TTC28: variants seen among roughly 807,000 people sequenced by gnomAD.
TTC28 encodes tetratricopeptide repeat domain 28, also known as tetratricopeptide repeat protein 28.
In TTC28, 61 loss-of-function variants were observed where a neutral mutation model predicts 198.0. The observed-to-expected ratio is 0.31, with a 90% confidence interval of 0.25 to 0.38. TTC28 has a LOEUF of 0.38. TTC28 is among the 10% of genes least tolerant of loss of function. TTC28 has a pLI of 1.00. For missense variants in TTC28, 2,678 were observed against 3,164.0 expected (o/e 0.85, Z 3.69); for synonymous variants, 1,171 against 1,297.8 (o/e 0.90, Z 2.10).
chr22:28,128,123 C>T (rs536219889), intron 6 of TTC28, among the ~76,000 whole-genome samples: 1 of 152,202 alleles, frequency 6.6e-6, no homozygotes, highest in Non-Finnish European at 1.5e-5. Context: ...AAATTTCAAG[C>T]GTTGGCTGTT....
At chr22:28,197,451 TA>T (rs2147143957) in intron 5 of TTC28, among the ~76,000 whole-genome samples, 1 of 151,738 alleles carries the variant, frequency 6.6e-6, no homozygotes, top group African/African-American at 2.4e-5. Context: ...GAATAGAAAT[TA>T]CACAGTTCTT....
intron 2 of TTC28, among the ~76,000 whole-genome samples, chr22:28,398,995 T>G (rs2046858700): frequency 6.6e-6 from 1 of 151,956 alleles, no homozygotes; most frequent in African/African-American, 2.4e-5. Flanking sequence ...TCAAAACAGT[T>G]GTTTGGGGAG....
chr22:28,214,899 T>C (rs181162574), intron 5 of TTC28, among the ~76,000 whole-genome samples: 1 of 152,164 alleles, frequency 6.6e-6, no homozygotes, highest in Non-Finnish European at 1.5e-5. Context: ...CCATCAAGGA[T>C]AGAATGGATT....
intron 6 of TTC28, among the ~76,000 whole-genome samples, chr22:28,152,421 G>T (rs1005905311): frequency 1.3e-5 from 2 of 152,034 alleles, no homozygotes; most frequent in Non-Finnish European, 2.9e-5. Context: ...CTCCCACTCA[G>T]ATCCACAATG....
In TTC28 at chr22:27,985,298, A is replaced by G. The variant is rs1253470630; in HGVS notation, c.5766T>C (p.Ala1922=). 1 of 1,551,638 alleles carries G rather than the reference A, an allele frequency of 6.4e-7. No homozygotes were observed. The highest frequency in any genetic ancestry group is 2.0e-5 in the Admixed American group (1 of 51,012). The change falls in exon 22 of 23, where the codon GCT becomes GCC. Residue 1922 remains alanine (A), a synonymous_variant. Transcript: ENST00000397906. ...EEVILKTGKQ[A]NRRTVHFALQ... Reference sequence around the variant, plus strand: ...GCGCGAAGTGCACAGTCCGTCGATTAGCTTGCTTCCCGGTTTTCAGGATTA... The same window carrying G: ...GCGCGAAGTGCACAGTCCGTCGATTGGCTTGCTTCCCGGTTTTCAGGATTA...
chr22:28,500,661 A>G (rs186742869), intron 2 of TTC28, among the ~76,000 whole-genome samples: 1 of 152,298 alleles, frequency 6.6e-6, no homozygotes, highest in African/African-American at 2.4e-5. Flanking sequence ...AGACTACGAT[A>G]TGCAGAAAGC....
At chr22:28,066,542 A>T (rs544875405) in intron 12 of TTC28, among the ~76,000 whole-genome samples, 1 of 152,220 alleles carries the variant, frequency 6.6e-6, no homozygotes, top group East Asian at 1.9e-4. Flanking sequence ...TCTATGACTT[A>T]GATTTTTATA....
At chr22:28,439,227 T>C (rs1011631508) in intron 2 of TTC28, among the ~76,000 whole-genome samples, 4 of 152,178 alleles carry the variant, frequency 2.6e-5, no homozygotes, top group Non-Finnish European at 4.4e-5. Context: ...AATAGAGATA[T>C]ATGCACAAGG....
chr22:28,485,228 C>T (rs989762033), intron 2 of TTC28, among the ~76,000 whole-genome samples: 2 of 152,144 alleles, frequency 1.3e-5, no homozygotes, highest in African/African-American at 4.8e-5. Context: ...TAAAATCCTT[C>T]CACTGTTAAA....
chr22:28,486,246 G>T (rs571415181), intron 2 of TTC28, among the ~76,000 whole-genome samples: 1 of 152,194 alleles, frequency 6.6e-6, no homozygotes, highest in South Asian at 2.1e-4. Context: ...AACAAGGAAG[G>T]CTTGAAAAAC....
chr22:28,311,784 C>T (rs1367440316), intron 2 of TTC28, among the ~76,000 whole-genome samples: 1 of 151,916 alleles, frequency 6.6e-6, no homozygotes, highest in Non-Finnish European at 1.5e-5. Flanking sequence ...TTTTTTTACT[C>T]ATTAACTATC....
At chr22:28,219,988 A>T (rs896078445) in intron 5 of TTC28, among the ~76,000 whole-genome samples, 1 of 152,134 alleles carries the variant, frequency 6.6e-6, no homozygotes, top group African/African-American at 2.4e-5. Flanking sequence ...GGTTACACTC[A>T]ACAGAGTCTC....
intron 5 of TTC28, among the ~76,000 whole-genome samples, chr22:28,169,716 TG>T (rs1473442386): frequency 1.3e-5 from 2 of 152,020 alleles, no homozygotes; most frequent in Non-Finnish European, 2.9e-5. Flanking sequence ...ATATACCTAA[TG>T]CTAAATGACG....
chr22:28,306,744 T>A (rs2045154813), intron 2 of TTC28, 101 bp from the exon 3 acceptor site: 2 of 1,268,608 alleles, frequency 1.6e-6, no homozygotes, highest in East Asian at 2.6e-5. Context: ...AAGATTGAGA[T>A]GTACTTGATT....
intron 5 of TTC28, among the ~76,000 whole-genome samples, chr22:28,277,804 C>T (rs993612161): frequency 1.5e-4 from 23 of 152,038 alleles, no homozygotes; most frequent in African/African-American, 5.3e-4. Flanking sequence ...CATTAATTTG[C>T]TTCAGTTTCT....
chr22:27,986,703 A>G (rs1937228419), intron 21 of TTC28, among the ~76,000 whole-genome samples: 1 of 152,168 alleles, frequency 6.6e-6, no homozygotes, highest in African/African-American at 2.4e-5. Flanking sequence ...ACCAAAGGAG[A>G]AACCCCTCCG....
chr22:28,275,550 A>G (rs1333863911), intron 5 of TTC28, among the ~76,000 whole-genome samples: 5 of 152,196 alleles, frequency 3.3e-5, no homozygotes, highest in Admixed American at 3.3e-4. Context: ...TTGGAAAGAC[A>G]GTTGCTGATA....
chr22:28,306,251 T>G (rs764481671), intron 3 of TTC28, among the ~76,000 whole-genome samples: 14 of 152,168 alleles, frequency 9.2e-5, no homozygotes, highest in South Asian at 2.1e-4. Context: ...TACAGTTAGT[T>G]AATGAAAAAT....
intron 12 of TTC28, among the ~76,000 whole-genome samples, chr22:28,032,625 T>C (rs952425343): frequency 9.9e-5 from 15 of 152,114 alleles, no homozygotes; most frequent in Non-Finnish European, 2.1e-4. Context: ...TATCTCTACC[T>C]TATATCTAAG....
Sources: gnomAD v4.1 joint callset for allele counts (sites outside exome capture counted in the v4.1 genomes callset) on GRCh38, gnomAD v4.1.1 for gene constraint, MANE v1.5 for transcripts, NCBI Gene and HGNC (gene_info 2026-07-23, HGNC 2026-07-21) for gene names.